LARP1B: variants seen among roughly 807,000 people sequenced by gnomAD.
The protein encoded by LARP1B is la-related protein 1B.
A neutral mutation model predicts 114.2 loss-of-function variants in LARP1B; 76 were observed. The observed-to-expected ratio is 0.67, with a 90% CI of 0.55 to 0.81. The LOEUF (loss-of-function observed/expected upper bound fraction) is 0.81. Among genes scored for constraint, LARP1B ranks in the 30% least tolerant of loss-of-function variants. The pLI is 0.00. For missense variants in LARP1B, 1,014 were observed against 1,075.8 expected (o/e 0.94, Z 0.80); for synonymous variants, 345 against 348.0 (o/e 0.99, Z 0.10).
intron 10 of LARP1B, 26 bp downstream of exon 10, chr4:128,114,768 T>C: frequency 6.2e-7 from 1 of 1,606,824 alleles, no homozygotes; most frequent in Non-Finnish European, 8.5e-7. Context: ...CTGAGTGAAG[T>C]GTGACATACC....
At chr4:128,124,377 A>G (rs747884459) in intron 11 of LARP1B, among the ~76,000 whole-genome samples, 24 of 152,188 alleles carry the variant, frequency 1.6e-4, no homozygotes, top group Non-Finnish European at 2.4e-4. Flanking sequence ...AGCAAAGAGT[A>G]GGGAAACAGT....
At position 128,211,652 on chromosome 4, in the gene LARP1B, A is replaced by G; in HGVS notation, c.*1599A>G. 2.0e-6 allele frequency: 2 copies of G among 984,888 alleles called. No individual in the cohort carries two copies. The highest frequency in any genetic ancestry group is 2.4e-6 in the Non-Finnish European group (2 of 829,446). The allele number at this position is 984,888 out of a possible 1,614,324, so 61.0% of individuals were successfully genotyped here. ...TTTCTTAAATGGGGTATGTAGTTCC[A>G]GCTTTTCAGTGAGAAATTTCCAAAC... On this transcript the variant is annotated 3_prime_UTR_variant, in exon 20 of 20. Coordinates refer to ENST00000326639, the MANE Select transcript of LARP1B (RefSeq NM_018078.4).
At chr4:128,081,405 T>C (rs1177992292) in intron 4 of LARP1B, among the ~76,000 whole-genome samples, 1 of 132,612 alleles carries the variant, frequency 7.5e-6, no homozygotes, top group Non-Finnish European at 1.6e-5. Flanking sequence ...TTTTGAGATA[T>C]AGATATTGGA....
chr4:128,089,062 T>C (rs1201484596), intron 5 of LARP1B, among the ~76,000 whole-genome samples: 3 of 152,026 alleles, frequency 2.0e-5, no homozygotes, highest in East Asian at 3.9e-4. Flanking sequence ...GATTTTTTTT[T>C]CCCCAAAGAG....
chr4:128,179,110 A>AAAC (rs1240141231), intron 14 of LARP1B, among the ~76,000 whole-genome samples: 1 of 152,166 alleles, frequency 6.6e-6, no homozygotes, highest in Admixed American at 6.5e-5. Context: ...ACAAACAAAC[A>AAAC]AAAACCTTTT....
In LARP1B at chr4:128,114,665, A is replaced by G. The variant is rs1298079608; in HGVS notation, c.1084A>G (p.Thr362Ala). Residue 362 changes from threonine to alanine, a missense_variant, in exon 10 of 20, where the codon ACC (threonine) becomes GCC (alanine). Coordinates refer to ENST00000326639, the MANE Select transcript of LARP1B (RefSeq NM_018078.4). Reference protein sequence around the residue: ...ILQAMSRGLSTSLPDLDSEPW... With the variant: ...ILQAMSRGLSASLPDLDSEPW... ...TCAAGCAATGTCTAGAGGTTTGTCT[A>G]CCAGTTTGCCTGACTTGGACTCAGA... 1.9e-6 allele frequency: 3 copies of G among 1,613,936 alleles called. No homozygotes were observed. Among genetic ancestry groups the G allele is most frequent in the Non-Finnish European group, 2.5e-6 (3 of 1,179,916 alleles).
chr4:128,092,382 G>A (rs1776223620), intron 7 of LARP1B, among the ~76,000 whole-genome samples: 1 of 151,952 alleles, frequency 6.6e-6, no homozygotes, highest in Admixed American at 6.6e-5. Context: ...TGCTTTCTGG[G>A]TACTGAATGT....
intron 1 of LARP1B, among the ~76,000 whole-genome samples, chr4:128,071,007 A>G (rs1765086475): frequency 6.6e-6 from 1 of 151,980 alleles, no homozygotes; most frequent in Non-Finnish European, 1.5e-5. Context: ...TTTTAAGTTT[A>G]TGAGTCACTT....
chr4:128,109,884 C>G (rs560627827), intron 9 of LARP1B, among the ~76,000 whole-genome samples: 4 of 151,822 alleles, frequency 2.6e-5, no homozygotes, highest in Non-Finnish European at 5.9e-5. Flanking sequence ...GGTGATTTAT[C>G]TTTGGAGAGT....
chr4:128,100,691 A>T (rs982055408), intron 8 of LARP1B, among the ~76,000 whole-genome samples: 13 of 151,992 alleles, frequency 8.6e-5, no homozygotes, highest in African/African-American at 2.9e-4. Flanking sequence ...ATTCATTATT[A>T]TTGAAGTGTT....
Position 128,208,867 on chromosome 4 carries a change from C to T in LARP1B, c.2548-989C>T, listed in dbSNP as rs79754412. ...CTAGATAAACCTTCAAACTTGCTAA[C>T]GATAATTTAACTTGGCATCTCTTTT... On this transcript the variant is annotated intron_variant, in intron 19 of 19. Transcript: ENST00000326639. Among the ~76,000 whole-genome samples the T allele has an allele frequency of 3.1e-3, 470 of 152,250 alleles. 2 individuals carry two copies. Among genetic ancestry groups the T allele is most frequent in the African/African-American group, 0.011 (447 of 41,536 alleles).
At chr4:128,180,937 T>C (rs1748112146) in intron 15 of LARP1B, among the ~76,000 whole-genome samples, 1 of 152,236 alleles carries the variant, frequency 6.6e-6, no homozygotes, top group Non-Finnish European at 1.5e-5. Flanking sequence ...GATATTTATA[T>C]AATTATGCCA....
intron 3 of LARP1B, among the ~76,000 whole-genome samples, chr4:128,077,238 C>T (rs527513097): frequency 3.2e-4 from 49 of 151,866 alleles, no homozygotes; most frequent in African/African-American, 1.1e-3. Flanking sequence ...ATGGGTCATG[C>T]GTGTATCGCA....
chr4:128,156,243 C>CA, intron 11 of LARP1B: 1 of 1,346,524 alleles, frequency 7.4e-7, no homozygotes, highest in Non-Finnish European at 1.0e-6. Flanking sequence ...CCACCCTAAG[C>CA]AACGTCTGCT....
At chr4:128,184,100 GACA>G (rs1372054265) in intron 15 of LARP1B, among the ~76,000 whole-genome samples, 4 of 152,320 alleles carry the variant, frequency 2.6e-5, no homozygotes, top group African/African-American at 9.6e-5. Flanking sequence ...TTGTTGAAAT[GACA>G]ACAACAGATT....
chr4:128,098,623 T>A (rs937591381), intron 8 of LARP1B, among the ~76,000 whole-genome samples: 1 of 150,318 alleles, frequency 6.7e-6, no homozygotes, highest in Admixed American at 6.7e-5. Context: ...ACACCCTTGG[T>A]CCTTAAAACT....
At chr4:128,114,848 C>A in intron 10 of LARP1B, 106 bp downstream of exon 10, 1 of 978,850 alleles carries the variant, frequency 1.0e-6, no homozygotes, top group Non-Finnish European at 1.5e-6. Flanking sequence ...AAAAGTTTAG[C>A]ACAATTTTAA....
chr4:128,092,366 A>T (rs1425096708), intron 7 of LARP1B, among the ~76,000 whole-genome samples: 1 of 152,130 alleles, frequency 6.6e-6, no homozygotes, highest in Non-Finnish European at 1.5e-5. Flanking sequence ...TAGTTCTCAT[A>T]GTAGTTGCTT....
At chr4:128,159,602 A>G (rs1227575395) in intron 11 of LARP1B, among the ~76,000 whole-genome samples, 1 of 152,170 alleles carries the variant, frequency 6.6e-6, no homozygotes, top group Non-Finnish European at 1.5e-5. Context: ...ACAGTGGTAC[A>G]TTTGTTGCAG....
Sources: gnomAD v4.1 joint callset for allele counts (sites outside exome capture counted in the v4.1 genomes callset) on GRCh38, gnomAD v4.1.1 for gene constraint, MANE v1.5 for transcripts, NCBI Gene and HGNC (gene_info 2026-07-23, HGNC 2026-07-21) for gene names.